ARHGEF7: variants seen among roughly 807,000 people sequenced by gnomAD.
The protein encoded by ARHGEF7 is Rho guanine nucleotide exchange factor 7.
ARHGEF7 carries 33 observed loss-of-function variants against 109.8 expected under a neutral mutation model. The observed-to-expected ratio is 0.30, with a 90% CI of 0.23 to 0.40. The LOEUF (loss-of-function observed/expected upper bound fraction) is 0.40, where lower values mean the gene tolerates loss of function less well. Among genes scored for constraint, ARHGEF7 ranks in the 10% least tolerant of loss-of-function variants. The pLI is 1.00. For missense variants in ARHGEF7, 938 were observed against 1,098.5 expected (o/e 0.85, Z 2.07); for synonymous variants, 458 against 424.6 (o/e 1.08, Z -0.97).
At position 111,153,910 on chromosome 13, in the gene ARHGEF7, C is replaced by G; in HGVS notation, c.171C>G (p.Tyr57Ter). Residue 57 changes from tyrosine to a stop codon, truncating the protein, a stop_gained, in exon 2 of 22, where the codon TAC (tyrosine) becomes TAG (stop). Coordinates refer to ENST00000646102, the MANE Select transcript of ARHGEF7 (RefSeq NM_001354046.2). LOFTEE classifies it high-confidence loss of function. ...GCTTGTGCTCTGTATTGCAGGTCTACCCCGAGCCCCGGAGCGAGAGCGAGT... is the reference window on the plus strand; with the variant it reads ...GCTTGTGCTCTGTATTGCAGGTCTAGCCCGAGCCCCGGAGCGAGAGCGAGT... ...RLLPGTIEKV[Y>*]PEPRSESECL... 6.2e-7 allele frequency: 1 copy of G among 1,605,044 alleles called. No homozygotes were observed. Among genetic ancestry groups the G allele is most frequent in the Non-Finnish European group, 8.5e-7 (1 of 1,177,116 alleles).
At chr13:111,240,672 G>T (rs1172880793) in intron 6 of ARHGEF7, among the ~76,000 whole-genome samples, 1 of 152,226 alleles carries the variant, frequency 6.6e-6, no homozygotes, top group African/African-American at 2.4e-5. Context: ...AACATTAAAT[G>T]ATGATCTTGT....
chr13:111,200,057 A>G, intron 2 of ARHGEF7, among the ~76,000 whole-genome samples: 1 of 151,984 alleles, frequency 6.6e-6, no homozygotes, highest in African/African-American at 2.4e-5. Context: ...GCCGTGGACT[A>G]CTCGGTGACT....
intron 2 of ARHGEF7, among the ~76,000 whole-genome samples, chr13:111,188,858 A>G (rs529045106): frequency 1.6e-4 from 24 of 152,324 alleles, no homozygotes; most frequent in African/African-American, 4.3e-4. Flanking sequence ...TGCAGGATGC[A>G]TTTCCTCTCC....
intron 8 of ARHGEF7, among the ~76,000 whole-genome samples, chr13:111,267,088 G>A (rs2091713570): frequency 6.6e-6 from 1 of 152,232 alleles, no homozygotes; most frequent in South Asian, 2.1e-4. Flanking sequence ...TGGATCTGGG[G>A]AGGAGAGGCA....
rs1417231060 is a variant in ARHGEF7 at position 111,272,916 on chromosome 13, C to T, written c.1074-898C>T. Among the ~76,000 whole-genome samples, 1 of 152,162 alleles carries T rather than the reference C, an allele frequency of 6.6e-6. No homozygotes were observed. Among genetic ancestry groups the T allele is most frequent in the Non-Finnish European group, 1.5e-5 (1 of 68,032 alleles). On this transcript the variant is annotated intron_variant, in intron 9 of 21. Coordinates refer to ENST00000646102, the MANE Select transcript of ARHGEF7 (RefSeq NM_001354046.2). This position sits in a 1 kb window ranked among gnomAD's most constrained non-coding sequence, Gnocchi z 5.2. Reference sequence around the variant, plus strand: ...GAGCTGGACCCCCCACAGAAGCCTGCCCGTGTCCTCTGCCACAGCCATGGG... The same window carrying T: ...GAGCTGGACCCCCCACAGAAGCCTGTCCGTGTCCTCTGCCACAGCCATGGG...
intron 1 of ARHGEF7, among the ~76,000 whole-genome samples, chr13:111,130,717 G>T (rs966637984): frequency 3.9e-5 from 6 of 152,238 alleles, no homozygotes; most frequent in Non-Finnish European, 5.9e-5. Flanking sequence ...TATGTGCGCT[G>T]AAGGCAAGAG....
chr13:111,209,831 G>T, intron 3 of ARHGEF7, 41 bp from the exon 4 acceptor site: 1 of 1,603,202 alleles, frequency 6.2e-7, no homozygotes, highest in Non-Finnish European at 8.5e-7. Context: ...GTGGTATCAG[G>T]CGCTCTCAGC....
chr13:111,127,171 A>G (rs2067622578), intron 1 of ARHGEF7, among the ~76,000 whole-genome samples: 1 of 152,224 alleles, frequency 6.6e-6, no homozygotes, highest in African/African-American at 2.4e-5. Flanking sequence ...GATGAAATGG[A>G]TAACTTTCTT....
At chr13:111,157,992 A>G (rs2076469907) in intron 2 of ARHGEF7, among the ~76,000 whole-genome samples, 1 of 152,228 alleles carries the variant, frequency 6.6e-6, no homozygotes, top group Non-Finnish European at 1.5e-5. Context: ...CATGTTTACC[A>G]GTTTTTTATT....
chr13:111,182,813 AT>A (rs761177033), intron 2 of ARHGEF7: 2 of 152,232 alleles, frequency 1.3e-5, no homozygotes, highest in Non-Finnish European at 2.9e-5. Context: ...TGACTTTGCC[AT>A]GGTGCAAAAG....
chr13:111,296,212 G>A (rs929380204), intron 19 of ARHGEF7, among the ~76,000 whole-genome samples: 1 of 151,356 alleles, frequency 6.6e-6, no homozygotes, highest in Non-Finnish European at 1.5e-5. Context: ...TTTCTTAAAC[G>A]AAGTTCCATA....
intron 1 of ARHGEF7, among the ~76,000 whole-genome samples, chr13:111,122,396 G>C (rs555873053): frequency 3.8e-4 from 58 of 152,372 alleles, no homozygotes; most frequent in African/African-American, 1.3e-3. Context: ...TACAGCTTCT[G>C]ACTTCTCCCT....
intron 1 of ARHGEF7, among the ~76,000 whole-genome samples, chr13:111,130,291 AT>A (rs1327126373): frequency 1.3e-5 from 2 of 152,190 alleles, no homozygotes; most frequent in Non-Finnish European, 2.9e-5. Flanking sequence ...AGGTTGCACT[AT>A]GTCAAAACTT....
At chr13:111,118,325 A>C (rs188372164) in intron 1 of ARHGEF7, among the ~76,000 whole-genome samples, 1 of 152,366 alleles carries the variant, frequency 6.6e-6, no homozygotes, top group East Asian at 1.9e-4. Flanking sequence ...ATTTAAAGGA[A>C]ACTTTCCACC....
At chr13:111,210,558 C>G (rs114180114) in intron 4 of ARHGEF7, among the ~76,000 whole-genome samples, 1 of 152,078 alleles carries the variant, frequency 6.6e-6, no homozygotes, top group Non-Finnish European at 1.5e-5. Flanking sequence ...AAAAAATACT[C>G]GTTTAAAAAT....
At chr13:111,211,988 G>T (rs576730870) in intron 4 of ARHGEF7, among the ~76,000 whole-genome samples, 1 of 152,260 alleles carries the variant, frequency 6.6e-6, no homozygotes, top group South Asian at 2.1e-4. Context: ...GTGTTCTGAG[G>T]GGCTGGTGTT....
At chr13:111,185,922 C>T (rs956863235) in intron 2 of ARHGEF7, among the ~76,000 whole-genome samples, 1 of 150,526 alleles carries the variant, frequency 6.6e-6, no homozygotes, top group Non-Finnish European at 1.5e-5. Context: ...GATCTTGGTT[C>T]TGCCTTTGTA....
chr13:111,129,285 G>C (rs1473539395), intron 1 of ARHGEF7, among the ~76,000 whole-genome samples: 1 of 152,158 alleles, frequency 6.6e-6, no homozygotes, highest in African/African-American at 2.4e-5. Flanking sequence ...GAAAACATTT[G>C]TGACTTTGGA....
At chr13:111,120,410 CTT>C (rs1455697042) in intron 1 of ARHGEF7, among the ~76,000 whole-genome samples, 4 of 152,314 alleles carry the variant, frequency 2.6e-5, no homozygotes, top group Admixed American at 6.5e-5. Flanking sequence ...CACACACGAA[CTT>C]ATGCACACAC....
Sources: allele counts gnomAD v4.1 joint callset (sites outside exome capture counted in the v4.1 genomes callset), GRCh38; gene constraint gnomAD v4.1.1; non-coding constraint Gnocchi (gnomAD v3.1); transcripts MANE v1.5; gene names NCBI Gene and HGNC (gene_info 2026-07-23, HGNC 2026-07-21).